The following RYR1 variants were observed in gnomAD, a reference collection of about 807,000 sequenced individuals.
RYR1 encodes the protein central core disease of muscle.
RYR1 carries 342 observed loss-of-function variants against 583.5 expected under a neutral mutation model. The observed-to-expected ratio is 0.59, with a 90% CI of 0.54 to 0.64. The LOEUF is 0.64. RYR1 is among the 30% of genes least tolerant of loss of function. RYR1 has a pLI of 0.00. For synonymous variants in RYR1, 2,791 were observed against 2,822.5 expected (o/e 0.99, Z 0.35); for missense variants, 6,032 against 6,917.2 (o/e 0.87, Z 4.54).
Position 38,543,374 on chromosome 19 carries a change from C to T in RYR1, c.11717C>T (p.Thr3906Ile). Reference sequence around the variant, plus strand: ...TTCCAGAACTACCTACGGACACAGACAGGGAACACGACCACTATTAACATC... The same window carrying T: ...TTCCAGAACTACCTACGGACACAGATAGGGAACACGACCACTATTAACATC... ...NDFQNYLRTQ[T>I]GNTTTINIII... Residue 3906 changes from threonine to isoleucine, a missense_variant, in exon 85 of 106, where the codon ACA becomes ATA. Thr to Ile is a moderately conservative substitution (Grantham distance 89, BLOSUM62 -1). Around this residue, in one of 11 missense-constraint regions of RYR1, gnomAD observed 1,493 missense variants for 1,715.5 expected, o/e 0.87. Transcript: ENST00000359596. This position sits in a 1 kb window ranked among gnomAD's most constrained non-coding sequence, Gnocchi z 4.4. 6.2e-7 allele frequency: 1 copy of T among 1,614,220 alleles called. No individual in the cohort carries two copies. The highest frequency in any genetic ancestry group is 1.1e-5 in the South Asian group (1 of 91,084).
chr19:38,503,490 T>C (rs1970295845), intron 49 of RYR1, among the ~76,000 whole-genome samples: 1 of 152,204 alleles, frequency 6.6e-6, no homozygotes, highest in Non-Finnish European at 1.5e-5. Context: ...ATTTGCATTT[T>C]AGCCAGGCGC....
chr19:38,466,498 TATC>T, intron 24 of RYR1, 100 bp downstream of exon 24: 2 of 1,003,408 alleles, frequency 2.0e-6, no homozygotes, highest in Non-Finnish European at 2.9e-6. Context: ...AAATGGGCTA[TATC>T]TTTTTTTTTT....
intron 76 of RYR1, among the ~76,000 whole-genome samples, chr19:38,530,799 GTCTC>G (rs1250201220): frequency 2.3e-4 from 35 of 151,024 alleles, no homozygotes; most frequent in African/African-American, 7.3e-4. Context: ...AAGATCTTTG[GTCTC>G]TCTCTCTTTT....
intron 84 of RYR1, 88 bp downstream of exon 84, chr19:38,538,048 C>A: frequency 1.6e-6 from 2 of 1,229,226 alleles, no homozygotes; most frequent in Non-Finnish European, 2.4e-6. Flanking sequence ...GCCCCTCCTC[C>A]TCCCCCGGTC....
At chr19:38,495,438 T>C (rs529936186) in intron 39 of RYR1, among the ~76,000 whole-genome samples, 3 of 152,226 alleles carry the variant, frequency 2.0e-5, no homozygotes, top group Admixed American at 1.3e-4. Context: ...CTCAACTTCC[T>C]GGGCTCAAGC....
At chr19:38,550,123 C>T (rs1289169141) in intron 89 of RYR1, among the ~76,000 whole-genome samples, 2 of 152,082 alleles carry the variant, frequency 1.3e-5, no homozygotes, top group Non-Finnish European at 2.9e-5. Context: ...CCTACCTAAG[C>T]ACAGGACAAT....
At position 38,440,799 on chromosome 19, in the gene RYR1, C is replaced by G. The variant is rs1481959610; in HGVS notation, c.100C>G (p.Leu34Val). 1.2e-6 allele frequency: 2 copies of G among 1,609,210 alleles called. No individual in the cohort carries two copies. The highest frequency in any genetic ancestry group is 1.8e-4 in the Middle Eastern group (1 of 5,688). Residue 34 changes from leucine to valine, a missense_variant, in exon 2 of 106, where the codon CTC (leucine) becomes GTC (valine). Leu to Val is a conservative substitution (Grantham distance 32). Transcript: ENST00000359596. ...TACCGTGCTCAAGGAGCAGCTCAAG[C>G]TCTGCCTGGCCGCCGAGGGCTTCGG... ...SATVLKEQLK[L>V]CLAAEGFGNR...
intron 27 of RYR1, among the ~76,000 whole-genome samples, chr19:38,472,835 TAAAAAAAAAA>T (rs34985897): frequency 0.047 from 5,044 of 107,368 alleles, 298 homozygotes; most frequent in African/African-American, 0.16. Context: ...GACTCTTGTC[TAAAAAAAAAA>T]AAAAAAAAAA....
Position 38,433,877 on chromosome 19 carries a change from GC to G in RYR1, c.45+4del. The G allele has an allele frequency of 6.2e-7, 1 of 1,613,514 alleles. No homozygotes were observed. The stretch of plus-strand genomic sequence containing the variant: ...ACGAGGTCCAGTTCCTGCGGACGGT[GC>G]GTATCTCTGGGTTAGGGGCCTGTGG... On this transcript the variant is annotated splice_donor_region_variant and intron_variant, in intron 1 of 105. Transcript: ENST00000359596.
Position 38,496,856 on chromosome 19 carries a change from G to A in RYR1, c.6797-4G>A, listed in dbSNP as rs1490510171. ...GATGTTCTCCCCACCTCTCGCCCCTGCAGGCATGCAGGGCTCCACGCCCCT... is the reference window on the plus strand; with the variant it reads ...GATGTTCTCCCCACCTCTCGCCCCTACAGGCATGCAGGGCTCCACGCCCCT... On this transcript the variant is annotated splice_polypyrimidine_tract_variant and splice_region_variant and intron_variant, in intron 41 of 105. Transcript: ENST00000359596. The surrounding 1 kb of genome is among the most constrained non-coding windows in gnomAD (Gnocchi z 4.8). 1 of 1,612,822 alleles carries A rather than the reference G, an allele frequency of 6.2e-7. No individual in the cohort carries two copies. The highest frequency in any genetic ancestry group is 8.5e-7 in the Non-Finnish European group (1 of 1,179,530).
intron 87 of RYR1, among the ~76,000 whole-genome samples, chr19:38,545,180 C>G (rs549999277): frequency 6.6e-6 from 1 of 152,126 alleles, no homozygotes; most frequent in Non-Finnish European, 1.5e-5. Flanking sequence ...TGACCAGGCC[C>G]GGTCATATAC....
rs79294840 is a variant in RYR1, at chr19:38,507,722, G to A, written c.8827G>A (p.Asp2943Asn). 894 of 1,609,176 alleles carry A rather than the reference G, an allele frequency of 5.6e-4. 2 individuals are homozygous for A. The African/African-American group carries it at 0.011, about 20-fold the overall frequency. Residue 2943 changes from aspartate to asparagine, a missense_variant, in exon 58 of 106, where the codon GAC becomes AAC. By Grantham distance (23) the Asp-to-Asn change is conservative. Around this residue, in one of 11 missense-constraint regions of RYR1, gnomAD observed 1,493 missense variants for 1,715.5 expected, o/e 0.87. Transcript: ENST00000359596. ...NGYAVTRGLK[D>N]MELDSSSIEK... Reference sequence around the variant, plus strand: ...CACATCTCCATGCAGAGGCCTTAAGGACATGGAACTGGACTCGTCTTCCAT... The same window carrying A: ...CACATCTCCATGCAGAGGCCTTAAGAACATGGAACTGGACTCGTCTTCCAT...
At chr19:38,517,810 T>A in intron 66 of RYR1, 119 bp downstream of exon 66, 1 of 957,654 alleles carries the variant, frequency 1.0e-6, no homozygotes, top group African/African-American at 1.6e-5. Context: ...GAGTGTAGGT[T>A]TTTTCAGCAT....
Position 38,485,662 on chromosome 19 carries a change from C to T in RYR1, c.5007C>T (p.Tyr1669=), listed in dbSNP as rs765636013. The stretch of plus-strand genomic sequence containing the variant: ...TCCACTCGCACACCCTGCGCCTCTA[C>T]CGCGCTGTGTGCGCCCTGGGCAACA... ...QRFHSHTLRL[Y]RAVCALGNNR... is the part of the protein sequence containing the mutation. Residue 1669 remains tyrosine (Y), a synonymous_variant, in exon 34 of 106, where the codon TAC becomes TAT. Transcript: ENST00000359596. The T allele has an allele frequency of 6.2e-7, 1 of 1,610,784 alleles. No individual in the cohort carries two copies. The highest frequency in any genetic ancestry group is 1.7e-5 in the Admixed American group (1 of 60,024).
intron 89 of RYR1, among the ~76,000 whole-genome samples, chr19:38,554,288 C>T (rs959560219): frequency 3.0e-4 from 2 of 6,716 alleles, no homozygotes; most frequent in Non-Finnish European, 7.0e-4. Context: ...CCCATCTCTA[C>T]TAAAAATACG....
At chr19:38,490,504 C>A in intron 36 of RYR1, 117 bp from the exon 37 acceptor site, 1 of 818,712 alleles carries the variant, frequency 1.2e-6, no homozygotes, top group Non-Finnish European at 2.1e-6. Context: ...TCTTCATTAA[C>A]TCACACTTCG....
chr19:38,537,017 C>T, intron 83 of RYR1: 1 of 592,272 alleles, frequency 1.7e-6, no homozygotes, highest in Non-Finnish European at 3.0e-6. Flanking sequence ...TCACTTTCCC[C>T]ATGTGTGAAG....
rs35088425 is a variant in RYR1 at position 38,457,045 on chromosome 19, C to CA, written c.1792-452_1792-451insA. 4.8e-3 allele frequency among the ~76,000 whole-genome samples: 94 copies of CA among 19,586 alleles called. 2 individuals are homozygous for CA. Among genetic ancestry groups the CA allele is most frequent in the African/African-American group, 0.017 (78 of 4,722 alleles). 12.8% of individuals were successfully genotyped at this position (19,586 alleles called of 152,430 possible). Reference sequence around the variant, plus strand: ...TGGGCGACAGAGCCAGACTCCATCTCCAAAAAAAAAAAAAAAAAAAAAAAA... The same window carrying CA: ...TGGGCGACAGAGCCAGACTCCATCTCACAAAAAAAAAAAAAAAAAAAAAAAA... On this transcript the variant is annotated intron_variant, in intron 16 of 105. Coordinates refer to ENST00000359596, the MANE Select transcript of RYR1 (RefSeq NM_000540.3).
At position 38,460,387 on chromosome 19, in the gene RYR1, C is replaced by T. The variant is rs1555770813; in HGVS notation, c.2373C>T (p.Leu791=). ...SFSAGVKVRF[L]LGGRHGEFKF... The stretch of plus-strand genomic sequence containing the variant: ...CTTCCTTACCCAGGGTGCGGTTCCT[C>T]CTTGGTGGCCGCCATGGTGAATTCA... The change falls in exon 20 of 106, where the codon CTC becomes CTT. Residue 791 remains leucine (L), a synonymous_variant. Transcript: ENST00000359596. 13 of 1,614,176 alleles carry T rather than the reference C, an allele frequency of 8.1e-6. No homozygotes were observed. Among genetic ancestry groups the T allele is most frequent in the Non-Finnish European group, 1.1e-5 (13 of 1,180,032 alleles).
Sources: gnomAD v4.1 joint callset for allele counts (sites outside exome capture counted in the v4.1 genomes callset) on GRCh38, gnomAD v4.1.1 for gene constraint, gnomAD v4.1.1 regional missense constraint, Gnocchi (gnomAD v3.1) non-coding constraint, MANE v1.5 for transcripts, NCBI Gene and HGNC (gene_info 2026-07-23, HGNC 2026-07-21) for gene names.